The following ATL3 variants were observed in gnomAD, a reference collection of about 807,000 sequenced individuals.
ATL3 encodes atlastin-3.
In ATL3, 49 loss-of-function variants were observed where a neutral mutation model predicts 69.5. The ratio of observed to expected loss-of-function variants is 0.71; its 90% CI spans 0.56 to 0.89. The LOEUF is 0.89. Among genes scored for constraint, ATL3 ranks in the 40% least tolerant of loss-of-function variants. The probability of loss-of-function intolerance (pLI) is 0.00; values close to 1 mark genes in which losing one functional copy is unlikely to be tolerated. For missense variants in ATL3, 606 were observed against 645.7 expected, an observed-to-expected ratio of 0.94 and a Z score of 0.67; for synonymous variants, 214 against 224.1, an observed-to-expected ratio of 0.95 and a Z score of 0.40.
intron 6 of ATL3, among the ~76,000 whole-genome samples, chr11:63,645,886 G>A (rs1196898359): frequency 6.6e-6 from 1 of 151,804 alleles, no homozygotes; most frequent in African/African-American, 2.4e-5. Context: ...TCCTGCCTTA[G>A]CCTCCTGAGT....
At chr11:63,650,627 TTAC>T (rs1356989846) in intron 5 of ATL3, 1 of 152,212 alleles carries the variant, frequency 6.6e-6, no homozygotes, top group African/African-American at 2.4e-5. Context: ...CATAATCTAC[TTAC>T]TACTTCTTAT....
chr11:63,635,106 G>A (rs1939471488), intron 10 of ATL3, among the ~76,000 whole-genome samples: 1 of 152,120 alleles, frequency 6.6e-6, no homozygotes, highest in Admixed American at 6.6e-5. Context: ...AGGTTGCGGT[G>A]AGCCAAGATT....
Position 63,639,473 on chromosome 11 carries a change from G to A in ATL3, c.851-3139C>T, listed in dbSNP as rs139838640. Among the ~76,000 whole-genome samples, 1,398 of 152,300 alleles carry A rather than the reference G, an allele frequency of 9.2e-3. 18 individuals are homozygous for A. Among genetic ancestry groups the A allele is most frequent in the African/African-American group, 0.03 (1,256 of 41,548 alleles). On this transcript the variant is annotated intron_variant, in intron 8 of 12. Transcript: ENST00000398868. ...CCACTTAAGAAAGTACTGGCTGGGCGTGGTGGCTCAAGCCAGTAATCCCAA... is the reference window on the plus strand; with the variant it reads ...CCACTTAAGAAAGTACTGGCTGGGCATGGTGGCTCAAGCCAGTAATCCCAA...
intron 1 of ATL3, among the ~76,000 whole-genome samples, chr11:63,668,679 T>C (rs1940664022): frequency 6.6e-6 from 1 of 151,928 alleles, no homozygotes; most frequent in Non-Finnish European, 1.5e-5. Flanking sequence ...GATGCCAGGC[T>C]ATATCACAAG....
chr11:63,633,285 AG>A (rs1939388588), intron 10 of ATL3, among the ~76,000 whole-genome samples, 188 bp from the exon 11 acceptor site: 1 of 152,216 alleles, frequency 6.6e-6, no homozygotes, highest in African/African-American at 2.4e-5. Flanking sequence ...TACCAAAAAA[AG>A]GTAGAAGTTC....
intron 8 of ATL3, among the ~76,000 whole-genome samples, chr11:63,637,249 C>G (rs1317729714): frequency 6.7e-6 from 1 of 150,180 alleles, no homozygotes; most frequent in Non-Finnish European, 1.5e-5. Context: ...GCACTCCAGC[C>G]TGGGCAACAG....
chr11:63,653,248 C>A (rs999250601), intron 3 of ATL3, among the ~76,000 whole-genome samples: 1 of 152,108 alleles, frequency 6.6e-6, no homozygotes, highest in Non-Finnish European at 1.5e-5. Context: ...AGGTGGATCA[C>A]CTGAGGTCCA....
At chr11:63,640,231 T>C (rs1014872074) in intron 8 of ATL3, among the ~76,000 whole-genome samples, 4 of 152,178 alleles carry the variant, frequency 2.6e-5, no homozygotes, top group African/African-American at 7.2e-5. Flanking sequence ...GGCCTCTACC[T>C]TATCCTTTTT....
At chr11:63,630,317 C>G (rs1939266382) in intron 12 of ATL3, among the ~76,000 whole-genome samples, 2 of 149,348 alleles carry the variant, frequency 1.3e-5, no homozygotes, top group Non-Finnish European at 3.0e-5. Flanking sequence ...CCCAGCTACT[C>G]TTGGGAGGCT....
intron 11 of ATL3, 117 bp downstream of exon 11, chr11:63,632,909 A>T: frequency 1.1e-6 from 1 of 937,420 alleles, no homozygotes; most frequent in East Asian, 2.4e-5. Flanking sequence ...CAACCTGAAT[A>T]TAAGTTTATT....
rs12271683 is a variant in ATL3 at position 63,660,253 on chromosome 11, T to C, written c.47-1001A>G. Reference sequence around the variant, plus strand: ...AAAGGACCCACATCCAGCATCAACATAGCAATCCATAAGAAAAAAATAACA... The same window carrying C: ...AAAGGACCCACATCCAGCATCAACACAGCAATCCATAAGAAAAAAATAACA... On this transcript the variant is annotated intron_variant, in intron 1 of 12. Transcript: ENST00000398868. 5.4e-3 allele frequency among the ~76,000 whole-genome samples: 826 copies of C among 152,156 alleles called. 7 individuals carry two copies. The highest frequency in any genetic ancestry group is 0.019 in the African/African-American group (804 of 41,538).
Position 63,644,156 on chromosome 11 carries a change from T to C in ATL3, c.711+13A>G. The C allele has an allele frequency of 6.5e-7, 1 of 1,535,850 alleles. No homozygotes were observed. Among genetic ancestry groups the C allele is most frequent in the Non-Finnish European group, 9.0e-7 (1 of 1,117,246 alleles). ...TTTGAGATAATTCATCAGAAGATTA[T>C]AGTCCCACTTACCTGTAAACGCTTA... On this transcript the variant is annotated intron_variant, in intron 7 of 12. Coordinates refer to ENST00000398868, the MANE Select transcript of ATL3 (RefSeq NM_015459.5).
chr11:63,641,160 C>T (rs953607047), intron 8 of ATL3, among the ~76,000 whole-genome samples: 3 of 152,106 alleles, frequency 2.0e-5, no homozygotes, highest in African/African-American at 7.2e-5. Flanking sequence ...AGATTTAAGA[C>T]TTACCAGTGC....
intron 4 of ATL3, 47 bp downstream of exon 4, chr11:63,652,424 T>C (rs774854599): frequency 1.6e-6 from 2 of 1,220,164 alleles, no homozygotes; most frequent in Admixed American, 2.3e-5. Flanking sequence ...TTCCTCCCTT[T>C]ATCTTATTTC....
intron 3 of ATL3, 79 bp from the exon 4 acceptor site, chr11:63,652,654 G>T (rs2134508519): frequency 1.0e-6 from 1 of 1,003,644 alleles, no homozygotes; most frequent in South Asian, 1.5e-5. Context: ...AAAAGTACAG[G>T]TAATATATAC....
chr11:63,671,226 G>A, intron 1 of ATL3, 64 bp downstream of exon 1: 1 of 1,512,328 alleles, frequency 6.6e-7, no homozygotes. Flanking sequence ...GTTCTTTTCA[G>A]AACTACAGCA....
chr11:63,636,123 A>G, intron 9 of ATL3, 84 bp downstream of exon 9: 6 of 1,540,296 alleles, frequency 3.9e-6, no homozygotes, highest in Non-Finnish European at 5.2e-6. Flanking sequence ...TTTAAGTTTC[A>G]AAATATTTAA....
chr11:63,669,025 G>A (rs1246991693), intron 1 of ATL3, among the ~76,000 whole-genome samples: 1 of 140,718 alleles, frequency 7.1e-6, no homozygotes, highest in Admixed American at 7.1e-5. Flanking sequence ...GGGGGGGGGC[G>A]TCTCACCATG....
intron 1 of ATL3, among the ~76,000 whole-genome samples, chr11:63,665,327 C>T (rs1455883036): frequency 7.3e-6 from 1 of 136,844 alleles, no homozygotes; most frequent in Non-Finnish European, 1.5e-5. Context: ...GCCTGGGTGA[C>T]AGAGTGAGAC....
Sources: allele counts gnomAD v4.1 joint callset (sites outside exome capture counted in the v4.1 genomes callset), GRCh38; gene constraint gnomAD v4.1.1; transcripts MANE v1.5; gene names NCBI Gene and HGNC (gene_info 2026-07-23, HGNC 2026-07-21).